The following LARGE1 variants were observed in gnomAD, a reference collection of about 807,000 sequenced individuals.
LARGE1 encodes the protein LARGE xylosyl- and glucuronyltransferase 1, also known as xylosyl- and glucuronyltransferase LARGE1.
Under a neutral mutation model 87.6 loss-of-function variants are expected in LARGE1, and 43 were observed. The observed-to-expected ratio is 0.49, with a 90% CI of 0.38 to 0.63. The LOEUF (loss-of-function observed/expected upper bound fraction) is 0.63. LARGE1 is among the 30% of genes least tolerant of loss of function. The pLI is 0.00. For missense variants in LARGE1, 802 were observed against 1,000.2 expected, an observed-to-expected ratio of 0.80 and a Z score of 2.67; for synonymous variants, 434 against 394.6, an observed-to-expected ratio of 1.10 and a Z score of -1.18.
Position 33,254,810 on chromosome 22 carries a change from T to C in LARGE1, c.1730+49419A>G, listed in dbSNP as rs1289726105. Among the ~76,000 whole-genome samples the C allele has an allele frequency of 2.0e-5, 3 of 152,172 alleles. 1 individual carries two copies. The highest frequency in any genetic ancestry group is 1.5e-5 in the Non-Finnish European group (1 of 68,028). On this transcript the variant is annotated intron_variant, in intron 11 of 11. Coordinates refer to the LARGE1 transcript ENST00000608642. The stretch of plus-strand genomic sequence containing the variant: ...TTCTCTTTCTCTACTTGGTCTGTAG[T>C]TCAAGGTCCTTAAACTATCTTGGAC...
In LARGE1 at chr22:33,208,187, GA is replaced by G. The variant is rs374561520; in HGVS notation, c.1731-41356del. Among the ~76,000 whole-genome samples, 462 of 150,670 alleles carry G rather than the reference GA, an allele frequency of 3.1e-3. 1 individual carries two copies. Among genetic ancestry groups the G allele is most frequent in the African/African-American group, 0.011 (434 of 40,042 alleles). ...TACCTGTTTAGATGCAGGTGTTCTA[GA>G]AAAGAGAGGAATTAGGGTGAGGATT... On this transcript the variant is annotated intron_variant, in intron 11 of 11. Transcript: ENST00000608642.
intron 10 of LARGE1, among the ~76,000 whole-genome samples, chr22:33,335,302 G>C (rs1030746541): frequency 6.6e-6 from 1 of 152,184 alleles, no homozygotes; most frequent in African/African-American, 2.4e-5. Flanking sequence ...AGTGCTTAAT[G>C]GTTTTCTTTC....
intron 1 of LARGE1, among the ~76,000 whole-genome samples, chr22:33,764,340 C>A (rs539594553): frequency 6.8e-4 from 103 of 152,286 alleles, no homozygotes; most frequent in Non-Finnish European, 1.3e-3. Context: ...CAGGACCCCC[C>A]ACAGATACCA....
At chr22:33,079,038 C>T in the LARGE1 span, among the ~76,000 whole-genome samples, 1 of 152,122 alleles carries the variant, frequency 6.6e-6, no homozygotes, top group African/African-American at 2.4e-5. Context: ...TTGAACCTGG[C>T]TCTACTTGGT....
chr22:33,586,844 C>T (rs1032577696), intron 5 of LARGE1, among the ~76,000 whole-genome samples: 7 of 152,012 alleles, frequency 4.6e-5, no homozygotes, highest in Admixed American at 1.3e-4. Context: ...CTTTCACAGT[C>T]GAGAGAAAAA....
At chr22:33,224,551 G>C (rs778085035) in intron 11 of LARGE1, among the ~76,000 whole-genome samples, 1 of 152,164 alleles carries the variant, frequency 6.6e-6, no homozygotes, top group Non-Finnish European at 1.5e-5. Flanking sequence ...CTACAGTAAA[G>C]TGTTCAGTCC....
chr22:33,340,852 A>T (rs1488717814), intron 9 of LARGE1, among the ~76,000 whole-genome samples: 1 of 151,932 alleles, frequency 6.6e-6, no homozygotes, highest in Non-Finnish European at 1.5e-5. Context: ...GCTAGGCTTC[A>T]AACACAAGCA....
At chr22:33,296,468 A>G (rs2146049372) in intron 12 of LARGE1, among the ~76,000 whole-genome samples, 1 of 152,344 alleles carries the variant, frequency 6.6e-6, no homozygotes. Context: ...CGATGAAGAT[A>G]AAATGGGCCT....
the LARGE1 span, among the ~76,000 whole-genome samples, chr22:33,136,939 A>AAT: frequency 6.6e-6 from 1 of 152,134 alleles, no homozygotes; most frequent in South Asian, 2.1e-4. Flanking sequence ...TAAGGTAAAA[A>AAT]AAAAAATAAA....
chr22:33,273,307 T>G lies in LARGE1; in HGVS notation c.*1120A>C, dbSNP rs1928505527. The stretch of plus-strand genomic sequence containing the variant: ...CCTTGGACAGGTCCCAAAGGGAGAC[T>G]GAGGTTGTCACCTCTTCCCATCCAC... On this transcript the variant is annotated 3_prime_UTR_variant, in exon 15 of 15. Coordinates refer to ENST00000397394, the MANE Select transcript of LARGE1 (RefSeq NM_133642.5). 2.5e-6 allele frequency: 1 copy of G among 398,200 alleles called. No homozygotes were observed. The highest frequency in any genetic ancestry group is 1.4e-4 in the South Asian group (1 of 7,136). 24.7% of individuals were successfully genotyped at this position (398,200 alleles called of 1,614,324 possible).
intron 2 of LARGE1, among the ~76,000 whole-genome samples, chr22:33,702,290 A>T (rs2149373826): frequency 6.6e-6 from 1 of 152,016 alleles, no homozygotes; most frequent in Non-Finnish European, 1.5e-5. Context: ...CTGCGCCTTA[A>T]TTTTTTCCTG....
intron 1 of LARGE1, among the ~76,000 whole-genome samples, chr22:33,798,605 T>C (rs2086061358): frequency 6.6e-6 from 1 of 152,194 alleles, no homozygotes; most frequent in South Asian, 2.1e-4. Flanking sequence ...TGTTCCACGC[T>C]GGCACTGCTG....
At chr22:33,661,055 C>T (rs1361562343) in intron 2 of LARGE1, among the ~76,000 whole-genome samples, 1 of 151,890 alleles carries the variant, frequency 6.6e-6, no homozygotes, top group Non-Finnish European at 1.5e-5. Flanking sequence ...TCAGAAGACC[C>T]ACATGGGATG....
At chr22:33,068,784 G>T in the LARGE1 span, among the ~76,000 whole-genome samples, 1 of 152,104 alleles carries the variant, frequency 6.6e-6, no homozygotes, top group Admixed American at 6.6e-5. Context: ...CTCCATCACC[G>T]TGTTGCCAGG....
intron 11 of LARGE1, among the ~76,000 whole-genome samples, chr22:33,263,146 G>A (rs1450644605): frequency 6.6e-6 from 1 of 152,086 alleles, no homozygotes. Flanking sequence ...CGCCACCTCA[G>A]CCTCCCAAAG....
At chr22:33,206,901 G>A (rs868720374) in intron 11 of LARGE1, among the ~76,000 whole-genome samples, 1 of 152,204 alleles carries the variant, frequency 6.6e-6, no homozygotes, top group African/African-American at 2.4e-5. Flanking sequence ...CACAGGTGGT[G>A]TTAAAATGTC....
chr22:33,541,047 TGGGTTGCG>T (rs1308388518), intron 6 of LARGE1, among the ~76,000 whole-genome samples: 2 of 2,180 alleles, frequency 9.2e-4, no homozygotes, highest in Admixed American at 6.3e-3. Context: ...GCTGGGGTGG[TGGGTTGCG>T]GGGGGGGGGG....
chr22:33,398,168 G>A (rs138212600), intron 7 of LARGE1, among the ~76,000 whole-genome samples: 139 of 152,052 alleles, frequency 9.1e-4, no homozygotes, highest in African/African-American at 3.0e-3. Context: ...ATGGGTGGGT[G>A]ATGCCTGCTG....
At chr22:33,889,195 GC>G (rs11291156) in intron 1 of LARGE1, 65,511 of 152,034 alleles carry the variant, frequency 0.43, 16,517 homozygotes, top group East Asian at 0.99. Flanking sequence ...TTTTTCTCAA[GC>G]CCCCTCATTC....
Sources: gnomAD v4.1 joint callset for allele counts (sites outside exome capture counted in the v4.1 genomes callset) on GRCh38, gnomAD v4.1.1 for gene constraint, MANE v1.5 for transcripts, NCBI Gene and HGNC (gene_info 2026-07-23, HGNC 2026-07-21) for gene names.